RILPL2: variants seen among roughly 807,000 people sequenced by gnomAD.
RILPL2 encodes the protein Rab interacting lysosomal protein like 2.
In RILPL2, 19 loss-of-function variants were observed where a neutral mutation model predicts 22.2. The observed-to-expected ratio is 0.86, with a 90% CI of 0.60 to 1.25. The LOEUF is 1.25. RILPL2 is among the 50% of genes most tolerant of loss of function. The pLI is 0.00. For missense variants in RILPL2, 243 were observed against 263.6 expected (o/e 0.92, Z 0.54); for synonymous variants, 123 against 111.6 (o/e 1.10, Z -0.64).
Position 123,436,409 on chromosome 12 carries a change from G to A in RILPL2, c.12C>T (p.Pro4=). 3 of 1,548,400 alleles carry A rather than the reference G, an allele frequency of 1.9e-6. No homozygotes were observed. Among genetic ancestry groups the A allele is most frequent in the Non-Finnish European group, 2.6e-6 (3 of 1,146,954 alleles). The change falls in exon 1 of 4, where the codon CCC becomes CCT. Residue 4 remains proline (P), a synonymous_variant. Coordinates refer to ENST00000280571, the MANE Select transcript of RILPL2 (RefSeq NM_145058.3). The surrounding 1 kb of genome is among the most constrained non-coding windows in gnomAD (Gnocchi z 6.7). MEE[P]PVREEEEEEG... ...CCTCCTCTTCCTCTTCTCGCACAGG[G>A]GGCTCCTCCATGGCCACCCAGACCC...
chr12:123,414,384 G>C (rs1210480159), downstream of RILPL2: 1 of 153,246 alleles, frequency 6.5e-6, no homozygotes, highest in Non-Finnish European at 1.5e-5. Context: ...GCCCGGAGCC[G>C]GCAGGGCCCG....
chr12:123,413,655 G>C (rs891347885), downstream of RILPL2: 5 of 152,292 alleles, frequency 3.3e-5, no homozygotes, highest in Non-Finnish European at 7.3e-5. Flanking sequence ...AGGAACCCGA[G>C]CGGGTTGCCA....
In RILPL2 at chr12:123,419,111, C is replaced by T. The variant is rs548687770; in HGVS notation, c.606-3190G>A. ...CTGCAAGCTCTGCCTGCTGGGTTCA[C>T]GCCATTCTCCTGCCTCAGCCTCCCG... is the stretch of plus-strand genomic sequence containing the variant. On this transcript the variant is annotated intron_variant, in intron 3 of 3. Transcript: ENST00000280571. Among the ~76,000 whole-genome samples, 19 of 151,022 alleles carry T rather than the reference C, an allele frequency of 1.3e-4. No individual in the cohort carries two copies. In the East Asian group the frequency reaches 2.9e-3, roughly 23 times the overall value.
At chr12:123,411,475 C>G (rs1398247766), downstream of RILPL2, 1 of 150,640 alleles carries the variant, frequency 6.6e-6, no homozygotes, top group African/African-American at 2.4e-5. Context: ...GAGCGAGACT[C>G]TGTCTCAAAT....
chr12:123,435,146 C>T (rs1051259774), intron 1 of RILPL2, among the ~76,000 whole-genome samples: 11 of 151,508 alleles, frequency 7.3e-5, no homozygotes, highest in East Asian at 1.9e-4. Context: ...CGCCACTGCA[C>T]TACAGTCTGA....
rs1343901091 is a variant in RILPL2 at position 123,436,245 on chromosome 12, G to A, written c.176C>T (p.Pro59Leu). The A allele has an allele frequency of 9.3e-6, 15 of 1,611,672 alleles. No individual in the cohort carries two copies. Among genetic ancestry groups the A allele is most frequent in the African/African-American group, 2.7e-5 (2 of 74,818 alleles). ...TTTGAACTGCAGCTGCGTCACCCGG[G>A]GGTCGCTGCCCAGGGCCATAAGCTC... ...GRELMALGSD[P>L]RVTQLQFKVV... is the part of the protein sequence containing the mutation. The change falls in exon 1 of 4, where the codon CCC becomes CTC. Residue 59 changes from proline to leucine, a missense_variant. By Grantham distance (98) the Pro-to-Leu change is moderately conservative (BLOSUM62 -3). Transcript: ENST00000280571. This position sits in a 1 kb window ranked among gnomAD's most constrained non-coding sequence, Gnocchi z 6.7.
intron 1 of RILPL2, 139 bp from the exon 2 acceptor site, chr12:123,430,798 C>G (rs1252783465): frequency 1.9e-5 from 11 of 568,422 alleles, no homozygotes; most frequent in African/African-American, 1.4e-4. Flanking sequence ...ACTTCGGGCT[C>G]CCAGGTTCAA....
At chr12:123,410,843 T>G (rs965044284), downstream of RILPL2, 1 of 152,208 alleles carries the variant, frequency 6.6e-6, no homozygotes, top group Non-Finnish European at 1.5e-5. Flanking sequence ...GACTAATAGC[T>G]AATAAGTGCC....
downstream of RILPL2, chr12:123,413,028 CTCTACAAA>C (rs1879015105): frequency 1.3e-5 from 2 of 152,060 alleles, no homozygotes; most frequent in Non-Finnish European, 2.9e-5. Context: ...GAAACCCCGT[CTCTACAAA>C]AATACAAAAA....
intron 3 of RILPL2, among the ~76,000 whole-genome samples, chr12:123,422,410 G>A (rs1879311791): frequency 6.6e-6 from 1 of 152,152 alleles, no homozygotes; most frequent in Non-Finnish European, 1.5e-5. Flanking sequence ...CAGCTACTCA[G>A]TAGGCTGAGG....
At chr12:123,428,025 G>C (rs1002211268) in intron 2 of RILPL2, among the ~76,000 whole-genome samples, 2 of 152,214 alleles carry the variant, frequency 1.3e-5, no homozygotes, top group Non-Finnish European at 2.9e-5. Context: ...CTTGTTCTCT[G>C]AGAATTCAAA....
chr12:123,435,507 G>A (rs960416536), intron 1 of RILPL2, among the ~76,000 whole-genome samples: 2 of 152,196 alleles, frequency 1.3e-5, no homozygotes, highest in African/African-American at 4.8e-5. Flanking sequence ...GGGAGGCCAA[G>A]GTGGGAGGAT....
At chr12:123,428,388 G>A (rs892592003) in intron 2 of RILPL2, among the ~76,000 whole-genome samples, 4 of 152,080 alleles carry the variant, frequency 2.6e-5, no homozygotes, top group Non-Finnish European at 4.4e-5. Flanking sequence ...CACCCACCTC[G>A]GCCTCCCAAA....
chr12:123,435,283 C>A (rs752985089), intron 1 of RILPL2, among the ~76,000 whole-genome samples: 8 of 152,140 alleles, frequency 5.3e-5, no homozygotes, highest in Non-Finnish European at 8.8e-5. Flanking sequence ...ATCAGCACCC[C>A]GTTCTTTTTC....
At chr12:123,434,760 C>A (rs1879745992) in intron 1 of RILPL2, among the ~76,000 whole-genome samples, 1 of 137,378 alleles carries the variant, frequency 7.3e-6, no homozygotes, top group Non-Finnish European at 1.6e-5. Context: ...ATCCCTATAT[C>A]CATACCCTGA....
intron 3 of RILPL2, among the ~76,000 whole-genome samples, chr12:123,419,606 C>CTTTT (rs11361281): frequency 7.7e-6 from 1 of 130,354 alleles, no homozygotes; most frequent in Non-Finnish European, 1.6e-5. Flanking sequence ...TCCCTTTTTT[C>CTTTT]TTTTTTTTTT....
At chr12:123,422,967 G>T in intron 3 of RILPL2, 77 bp downstream of exon 3, 1 of 1,049,744 alleles carries the variant, frequency 9.5e-7, no homozygotes, top group Non-Finnish European at 1.5e-6. Context: ...TGGGCAGCTG[G>T]TCAGCCTCTT....
At position 123,436,084 on chromosome 12, in the gene RILPL2, C is replaced by G. The variant is rs369004339; in HGVS notation, c.337G>C (p.Glu113Gln). 1.4e-4 allele frequency: 213 copies of G among 1,569,528 alleles called. 1 individual carries two copies. The highest frequency in any genetic ancestry group is 6.5e-4 in the Admixed American group (35 of 53,584). The change falls in exon 1 of 4, where the codon GAG becomes CAG. Residue 113 changes from glutamate to glutamine, a missense_variant and splice_region_variant. Coordinates refer to ENST00000280571, the MANE Select transcript of RILPL2 (RefSeq NM_145058.3). This position sits in a 1 kb window ranked among gnomAD's most constrained non-coding sequence, Gnocchi z 6.7. Reference sequence around the variant, plus strand: ...GGAACCCTCGCTCCCACACTCACCTCCCCGCTGGCCGGAGGGCTCTGTCTC... The same window carrying G: ...GGAACCCTCGCTCCCACACTCACCTGCCCGCTGGCCGGAGGGCTCTGTCTC... ...LRRQSPPASG[E>Q]VNLGPNKMVV...
rs59871132 is a variant in RILPL2, at chr12:123,430,099, CAAAAAAAAAAAAAAAA to C, written c.491+393_491+408del. 2.7e-4 allele frequency among the ~76,000 whole-genome samples: 5 copies of C among 18,776 alleles called. No individual in the cohort carries two copies. In the Admixed American group the frequency reaches 5.3e-3, roughly 20 times the overall value. The allele number at this position is 18,776 out of a possible 152,430, so 12.3% of individuals were successfully genotyped here. A position where few individuals can be genotyped will look rare whatever the true frequency, so the allele number is the denominator to read the frequency against. On this transcript the variant is annotated intron_variant, in intron 2 of 3. Transcript: ENST00000280571. ...CCACTGGGCGACAGGGTGAGACCCT[CAAAAAAAAAAAAAAAA>C]AAAAAAAAAAAAAGCCAGGCTTGGT... is the stretch of plus-strand genomic sequence containing the variant.
Sources: gnomAD v4.1 joint callset for allele counts (sites outside exome capture counted in the v4.1 genomes callset) on GRCh38, gnomAD v4.1.1 for gene constraint, Gnocchi (gnomAD v3.1) non-coding constraint, MANE v1.5 for transcripts, NCBI Gene and HGNC (gene_info 2026-07-23, HGNC 2026-07-21) for gene names.